The following RBFOX1 variants were observed in gnomAD, a reference collection of about 807,000 sequenced individuals.
RBFOX1 encodes the protein RNA binding protein fox-1 homolog 1.
Under a neutral mutation model 57.7 loss-of-function variants are expected in RBFOX1, and 8 were observed. That is an observed-to-expected ratio of 0.14 (90% confidence interval 0.08 to 0.25). The LOEUF is 0.25. Among genes scored for constraint, RBFOX1 ranks in the 10% least tolerant of loss-of-function variants. The pLI is 1.00. For synonymous variants in RBFOX1, 326 were observed against 222.4 expected, an observed-to-expected ratio of 1.47 and a Z score of -4.15; for missense variants, 611 against 548.5, an observed-to-expected ratio of 1.11 and a Z score of -1.14.
intron 5 of RBFOX1, among the ~76,000 whole-genome samples, chr16:7,578,441 T>C (rs528518104): frequency 2.8e-4 from 42 of 152,324 alleles, no homozygotes; most frequent in African/African-American, 9.6e-4. Flanking sequence ...CAAAATGCGA[T>C]TCAGGGTGTG....
intron 2 of RBFOX1, among the ~76,000 whole-genome samples, chr16:6,634,537 A>AT (rs917261453): frequency 2.0e-5 from 3 of 148,274 alleles, no homozygotes; most frequent in African/African-American, 7.3e-5. Flanking sequence ...ATACTTTTAT[A>AT]TTTTTTAATT....
At position 7,089,695 on chromosome 16, in the gene RBFOX1, C is replaced by T. The variant is rs180738323; in HGVS notation, c.27+37597C>T. ...AAAAATGATGCGTGTCCCAGACCCC[C>T]TTCCACATCCGAAAAACTTGCTGAT... On this transcript the variant is annotated intron_variant, in intron 4 of 15. Coordinates refer to ENST00000550418, the MANE Select transcript of RBFOX1 (RefSeq NM_018723.4). Among the ~76,000 whole-genome samples the T allele has an allele frequency of 3.3e-5, 5 of 152,262 alleles. No homozygotes were observed. In the South Asian group the frequency reaches 8.3e-4, roughly 25 times the overall value.
At chr16:5,381,669 A>T (rs191871399) in intron 1 of RBFOX1, among the ~76,000 whole-genome samples, 1 of 152,226 alleles carries the variant, frequency 6.6e-6, no homozygotes, top group East Asian at 1.9e-4. Context: ...GCACAGGCAG[A>T]CTCTTGGCAT....
At chr16:7,064,161 C>CTTT (rs869135535) in intron 4 of RBFOX1, among the ~76,000 whole-genome samples, 4 of 96,822 alleles carry the variant, frequency 4.1e-5, no homozygotes, top group Non-Finnish European at 5.7e-5. Flanking sequence ...GACTGGTGTT[C>CTTT]TTTTTTTTTT....
At chr16:5,655,692 A>T (rs971227390) in intron 3 of RBFOX1, among the ~76,000 whole-genome samples, 10 of 152,198 alleles carry the variant, frequency 6.6e-5, no homozygotes, top group Non-Finnish European at 1.5e-4. Context: ...CCTCTTTCTC[A>T]TCTCACAGGT....
At chr16:7,488,481 A>G (rs1442648410) in intron 4 of RBFOX1, among the ~76,000 whole-genome samples, 2 of 152,146 alleles carry the variant, frequency 1.3e-5, no homozygotes, top group Non-Finnish European at 2.9e-5. Flanking sequence ...ACATTCATAC[A>G]TTCATTATCC....
At chr16:6,260,914 T>C (rs1470942174) in intron 1 of RBFOX1, among the ~76,000 whole-genome samples, 1 of 152,088 alleles carries the variant, frequency 6.6e-6, no homozygotes, top group South Asian at 2.1e-4. Context: ...AAAGAAAGCA[T>C]GCACTCTTTG....
chr16:5,859,653 C>G (rs117442486), intron 3 of RBFOX1, among the ~76,000 whole-genome samples: 89 of 152,240 alleles, frequency 5.8e-4, no homozygotes, highest in Non-Finnish European at 9.7e-4. Flanking sequence ...AAAACTCTGC[C>G]TACCATTGGC....
Position 7,151,013 on chromosome 16 carries a change from G to A in RBFOX1, c.27+98915G>A, listed in dbSNP as rs559176053. Among the ~76,000 whole-genome samples, 7 of 152,198 alleles carry A rather than the reference G, an allele frequency of 4.6e-5. No individual in the cohort carries two copies. In the South Asian group the frequency reaches 8.3e-4, roughly 18 times the overall value. Reference sequence around the variant, plus strand: ...GCAGACACTTTCTGAAAGCAGATACGCTCCTTTCCAAAATTATTTTTGTGG... The same window carrying A: ...GCAGACACTTTCTGAAAGCAGATACACTCCTTTCCAAAATTATTTTTGTGG... On this transcript the variant is annotated intron_variant, in intron 4 of 15. Coordinates refer to ENST00000550418, the MANE Select transcript of RBFOX1 (RefSeq NM_018723.4).
chr16:5,520,071 G>C (rs1379213567), intron 2 of RBFOX1, among the ~76,000 whole-genome samples: 1 of 152,204 alleles, frequency 6.6e-6, no homozygotes, highest in Non-Finnish European at 1.5e-5. Context: ...CAGAGGTACA[G>C]GATGTGATGG....
chr16:5,341,018 G>T (rs769126365), intron 1 of RBFOX1, among the ~76,000 whole-genome samples: 1 of 152,160 alleles, frequency 6.6e-6, no homozygotes, highest in African/African-American at 2.4e-5. Context: ...GAATAACCCA[G>T]ATACCTGTGG....
intron 4 of RBFOX1, among the ~76,000 whole-genome samples, chr16:5,985,255 G>C (rs939502915): frequency 1.3e-5 from 2 of 151,912 alleles, no homozygotes; most frequent in African/African-American, 4.8e-5. Context: ...GCCTCCCAAA[G>C]TGGTGGGATT....
At chr16:6,919,249 C>A (rs1032362724) in intron 3 of RBFOX1, among the ~76,000 whole-genome samples, 1 of 152,020 alleles carries the variant, frequency 6.6e-6, no homozygotes, top group Middle Eastern at 3.2e-3. Flanking sequence ...TCCCAAAGTG[C>A]TGGGCTGGGA....
In RBFOX1 at chr16:7,669,413, T is replaced by C. The variant is rs184591024; in HGVS notation, c.930+4445T>C. ...CTGTTAAAAAGAATTGACAAACGGA[T>C]AGAAACTGGAATAACATAGTGAGGT... On this transcript the variant is annotated intron_variant, in intron 13 of 15. Transcript: ENST00000550418. Among the ~76,000 whole-genome samples, 12 of 152,260 alleles carry C rather than the reference T, an allele frequency of 7.9e-5. No individual in the cohort carries two copies. The East Asian group carries it at 2.1e-3, about 27-fold the overall frequency.
At chr16:6,805,362 G>C (rs989883530) in intron 3 of RBFOX1, among the ~76,000 whole-genome samples, 14 of 152,268 alleles carry the variant, frequency 9.2e-5, no homozygotes, top group Admixed American at 7.8e-4. Flanking sequence ...CACACAGAGG[G>C]GAACAGCAGA....
At chr16:7,669,415 G>A (rs2070627329) in intron 13 of RBFOX1, among the ~76,000 whole-genome samples, 1 of 152,178 alleles carries the variant, frequency 6.6e-6, no homozygotes, top group Non-Finnish European at 1.5e-5. Context: ...CAAACGGATA[G>A]AAACTGGAAT....
intron 2 of RBFOX1, among the ~76,000 whole-genome samples, chr16:5,553,745 GTATT>G (rs2045563201): frequency 7.2e-6 from 1 of 139,236 alleles, no homozygotes; most frequent in Non-Finnish European, 1.6e-5. Flanking sequence ...ATATATGTGT[GTATT>G]TATGTATATA....
Position 7,199,617 on chromosome 16 carries a change from A to G in RBFOX1, c.27+147519A>G, listed in dbSNP as rs2087755493. 3.3e-5 allele frequency among the ~76,000 whole-genome samples: 5 copies of G among 152,160 alleles called. No homozygotes were observed. The South Asian group carries it at 1.0e-3, about 32-fold the overall frequency. On this transcript the variant is annotated intron_variant, in intron 4 of 15. Transcript: ENST00000550418. ...ATGAAATTAGACAAAAAGGCTGGGC[A>G]GTGCAGTAGCTCACGCCTGTAATCC...
chr16:6,430,584 C>T (rs148708337), intron 2 of RBFOX1, among the ~76,000 whole-genome samples: 1 of 152,042 alleles, frequency 6.6e-6, no homozygotes, highest in South Asian at 2.1e-4. Context: ...ATGTGCTGTG[C>T]TTGGGAGCTG....
Sources: gnomAD v4.1 joint callset for allele counts (sites outside exome capture counted in the v4.1 genomes callset) on GRCh38, gnomAD v4.1.1 for gene constraint, MANE v1.5 for transcripts, NCBI Gene and HGNC (gene_info 2026-07-23, HGNC 2026-07-21) for gene names.